KLF12: variants seen among roughly 807,000 people sequenced by gnomAD.
KLF12 encodes KLF transcription factor 12.
A neutral mutation model predicts 37.8 loss-of-function variants in KLF12; 9 were observed. The ratio of observed to expected loss-of-function variants is 0.24; its 90% CI spans 0.14 to 0.42. The LOEUF (loss-of-function observed/expected upper bound fraction) is 0.42. KLF12 is among the 10% of genes least tolerant of loss of function. The pLI is 1.00. For synonymous variants in KLF12, 208 were observed against 202.1 expected, an observed-to-expected ratio of 1.03 and a Z score of -0.25; for missense variants, 411 against 516.0, an observed-to-expected ratio of 0.80 and a Z score of 1.97.
intron 3 of KLF12, among the ~76,000 whole-genome samples, chr13:73,907,018 AT>A (rs1566451074): frequency 6.6e-6 from 1 of 152,130 alleles, no homozygotes; most frequent in East Asian, 1.9e-4. Context: ...CATCTGTTCT[AT>A]TTTGGTAAGG....
At chr13:73,887,909 C>T (rs1034405608) in intron 3 of KLF12, among the ~76,000 whole-genome samples, 2 of 152,082 alleles carry the variant, frequency 1.3e-5, no homozygotes, top group Admixed American at 6.6e-5. Context: ...TGATTGAATA[C>T]ATAATAATAT....
chr13:73,742,265 T>G (rs950753962), intron 6 of KLF12, among the ~76,000 whole-genome samples: 2 of 152,220 alleles, frequency 1.3e-5, no homozygotes, highest in Non-Finnish European at 2.9e-5. Context: ...ACACTTTTTT[T>G]TACTTAGGAA....
At chr13:73,819,754 G>T (rs1279333873) in intron 4 of KLF12, among the ~76,000 whole-genome samples, 1 of 152,146 alleles carries the variant, frequency 6.6e-6, no homozygotes, top group African/African-American at 2.4e-5. Flanking sequence ...TTTTTGAGAT[G>T]GTGGCCAGGA....
intron 1 of KLF12, among the ~76,000 whole-genome samples, chr13:74,113,956 A>G (rs1877130813): frequency 6.6e-6 from 1 of 152,226 alleles, no homozygotes; most frequent in Admixed American, 6.5e-5. Context: ...ACCCTCACGG[A>G]TGACTTGGAG....
intron 6 of KLF12, among the ~76,000 whole-genome samples, chr13:73,754,895 C>G (rs1185391823): frequency 1.3e-5 from 2 of 152,142 alleles, no homozygotes; most frequent in African/African-American, 4.8e-5. Flanking sequence ...CAACTTTTAC[C>G]TCTAGGTGGC....
At chr13:73,827,805 C>T (rs566748035) in intron 4 of KLF12, among the ~76,000 whole-genome samples, 4 of 152,286 alleles carry the variant, frequency 2.6e-5, no homozygotes, top group Non-Finnish European at 2.9e-5. Flanking sequence ...TAAAGTGATC[C>T]GCCTGCCTCA....
chr13:74,021,012 G>A (rs1430393623), intron 1 of KLF12, among the ~76,000 whole-genome samples: 1 of 152,126 alleles, frequency 6.6e-6, no homozygotes, highest in South Asian at 2.1e-4. Flanking sequence ...CAGACCCCTC[G>A]ACGTCTGCTA....
At position 74,008,894 on chromosome 13, in the gene KLF12, G is replaced by A. The variant is rs190340182; in HGVS notation, c.-31-13841C>T. ...ACCTGCTTCAGGCAGGAATAAAATC[G>A]ATAACTTATGTCCATTGTAACCAGC... On this transcript the variant is annotated intron_variant, in intron 1 of 7. Coordinates refer to ENST00000377669, the MANE Select transcript of KLF12 (RefSeq NM_007249.5). Among the ~76,000 whole-genome samples, 28 of 152,246 alleles carry A rather than the reference G, an allele frequency of 1.8e-4. 1 individual carries two copies. The highest frequency in any genetic ancestry group is 2.8e-4 in the Non-Finnish European group (19 of 68,022).
intron 1 of KLF12, among the ~76,000 whole-genome samples, chr13:74,098,898 T>C (rs1876137232): frequency 6.6e-6 from 1 of 152,204 alleles, no homozygotes; most frequent in Non-Finnish European, 1.5e-5. Context: ...AACACAGTAT[T>C]TTCAAATGCT....
At chr13:74,201,066 A>G in the KLF12 span, among the ~76,000 whole-genome samples, 2 of 152,148 alleles carry the variant, frequency 1.3e-5, no homozygotes, top group Non-Finnish European at 2.9e-5. Context: ...TCCTAATCAA[A>G]GATGCAGTTT....
chr13:73,829,056 C>G (rs1191271263), intron 4 of KLF12, among the ~76,000 whole-genome samples: 1 of 152,176 alleles, frequency 6.6e-6, no homozygotes, highest in African/African-American at 2.4e-5. Flanking sequence ...TTGCAATCCA[C>G]CTCTGTGAGC....
chr13:73,994,761 G>A (rs1316242743), intron 2 of KLF12, among the ~76,000 whole-genome samples: 2 of 152,018 alleles, frequency 1.3e-5, no homozygotes, highest in East Asian at 3.8e-4. Context: ...CTTAAGTTCT[G>A]GAAAAGAATT....
intron 4 of KLF12, among the ~76,000 whole-genome samples, chr13:73,842,983 C>T (rs1884821560): frequency 6.6e-6 from 1 of 152,124 alleles, no homozygotes; most frequent in African/African-American, 2.4e-5. Context: ...GCTATAGCAA[C>T]ATTTGTAGAA....
chr13:74,215,515 G>A, the KLF12 span, among the ~76,000 whole-genome samples: 1 of 145,784 alleles, frequency 6.9e-6, no homozygotes, highest in Non-Finnish European at 1.5e-5. Context: ...TATAAAATTG[G>A]ATGCTTTCCT....
At chr13:73,966,782 G>A (rs559011570) in intron 2 of KLF12, among the ~76,000 whole-genome samples, 33 of 152,176 alleles carry the variant, frequency 2.2e-4, no homozygotes, top group Admixed American at 1.6e-3. Flanking sequence ...GTAATGTGCC[G>A]GCACTTTACT....
At chr13:74,300,904 T>G in the KLF12 span, among the ~76,000 whole-genome samples, 4 of 152,154 alleles carry the variant, frequency 2.6e-5, no homozygotes, top group African/African-American at 9.7e-5. Context: ...ACAGTACTTA[T>G]TCAAGCAGTT....
intron 2 of KLF12, among the ~76,000 whole-genome samples, chr13:73,967,408 G>A (rs542554815): frequency 6.6e-6 from 1 of 152,270 alleles, no homozygotes; most frequent in Admixed American, 6.5e-5. Flanking sequence ...ATGTGTAAAT[G>A]AGAGTCTAAG....
chr13:74,169,672 T>A, the KLF12 span, among the ~76,000 whole-genome samples: 1 of 152,306 alleles, frequency 6.6e-6, no homozygotes, highest in East Asian at 1.9e-4. Context: ...ACATATCCCA[T>A]CCTCATACTG....
the KLF12 span, among the ~76,000 whole-genome samples, chr13:74,211,945 T>G: frequency 1.3e-5 from 2 of 152,326 alleles, no homozygotes; most frequent in East Asian, 3.9e-4. Context: ...GCCTTTTCTT[T>G]GGGTAAAGAT....
Sources: gnomAD v4.1 joint callset for allele counts (sites outside exome capture counted in the v4.1 genomes callset) on GRCh38, gnomAD v4.1.1 for gene constraint, MANE v1.5 for transcripts, NCBI Gene and HGNC (gene_info 2026-07-23, HGNC 2026-07-21) for gene names.